The following GRM5 variants were observed in gnomAD, a reference collection of about 807,000 sequenced individuals.
GRM5 encodes metabotropic glutamate receptor 5.
In GRM5, 19 loss-of-function variants were observed where a neutral mutation model predicts 83.1. That is an observed-to-expected ratio of 0.23 (90% CI 0.16 to 0.34). The LOEUF is 0.34. GRM5 is among the 10% of genes least tolerant of loss of function. The probability of loss-of-function intolerance (pLI) is 1.00; values close to 1 mark genes in which losing one functional copy is unlikely to be tolerated. For missense variants in GRM5, 1,160 were observed against 1,588.3 expected (o/e 0.73, Z 4.58); for synonymous variants, 675 against 633.6 (o/e 1.07, Z -0.98).
intron 2 of GRM5, among the ~76,000 whole-genome samples, chr11:88,900,693 T>A (rs1486355842): frequency 2.0e-5 from 3 of 152,178 alleles, no homozygotes; most frequent in Non-Finnish European, 4.4e-5. Context: ...CATTGTGCTA[T>A]GAACAGGAGT....
At chr11:88,699,871 G>C (rs1483815184) in intron 3 of GRM5, among the ~76,000 whole-genome samples, 1 of 152,142 alleles carries the variant, frequency 6.6e-6, no homozygotes, top group Non-Finnish European at 1.5e-5. Context: ...TGTCAGAGGA[G>C]ACAAAAGGTA....
chr11:88,903,403 C>A (rs1302186133), intron 2 of GRM5, among the ~76,000 whole-genome samples: 1 of 152,100 alleles, frequency 6.6e-6, no homozygotes, highest in African/African-American at 2.4e-5. Flanking sequence ...TGGCTATCTG[C>A]CCAAGGGAAA....
intron 3 of GRM5, among the ~76,000 whole-genome samples, chr11:88,789,915 C>A (rs546340645): frequency 6.6e-6 from 1 of 151,960 alleles, no homozygotes; most frequent in African/African-American, 2.4e-5. Context: ...AGGGCAGTGG[C>A]GCAATCTTAG....
chr11:89,016,844 A>G (rs1225695536), intron 2 of GRM5, among the ~76,000 whole-genome samples: 1 of 152,194 alleles, frequency 6.6e-6, no homozygotes, highest in Non-Finnish European at 1.5e-5. Context: ...TAAAGTAAAT[A>G]CTGTTTCCAC....
intron 3 of GRM5, among the ~76,000 whole-genome samples, chr11:88,845,909 T>A (rs995574216): frequency 5.3e-5 from 8 of 152,204 alleles, no homozygotes; most frequent in African/African-American, 1.9e-4. Flanking sequence ...TAAAGAATAA[T>A]ATCTACCTCT....
At chr11:88,818,861 A>G (rs1943735932) in intron 3 of GRM5, among the ~76,000 whole-genome samples, 3 of 152,188 alleles carry the variant, frequency 2.0e-5, no homozygotes, top group Admixed American at 6.5e-5. Flanking sequence ...ATAGACTCAA[A>G]AAGTTGTTAT....
chr11:88,872,090 T>C (rs2135562651), intron 2 of GRM5, among the ~76,000 whole-genome samples: 1 of 151,584 alleles, frequency 6.6e-6, no homozygotes, highest in Admixed American at 6.6e-5. Context: ...AGAAACAAAA[T>C]GAGATGGACA....
chr11:88,822,320 T>C (rs150356454), intron 3 of GRM5, among the ~76,000 whole-genome samples: 5 of 152,304 alleles, frequency 3.3e-5, no homozygotes, highest in South Asian at 2.1e-4. Flanking sequence ...AAGAGATATA[T>C]AGATAAAAAT....
intron 3 of GRM5, among the ~76,000 whole-genome samples, chr11:88,822,131 C>T (rs897214275): frequency 6.6e-6 from 1 of 152,100 alleles, no homozygotes; most frequent in Non-Finnish European, 1.5e-5. Flanking sequence ...AAGTGCCAGA[C>T]ACTGAGAATA....
At chr11:88,724,994 G>T (rs992413025) in intron 3 of GRM5, among the ~76,000 whole-genome samples, 4 of 152,138 alleles carry the variant, frequency 2.6e-5, no homozygotes, top group Non-Finnish European at 4.4e-5. Flanking sequence ...CAGACAGTGA[G>T]CTAGCTGCAG....
intron 1 of GRM5, among the ~76,000 whole-genome samples, chr11:89,061,048 T>C (rs571644496): frequency 6.6e-6 from 1 of 152,220 alleles, no homozygotes; most frequent in East Asian, 1.9e-4. Context: ...ATATCCAACC[T>C]CTAAACCAGC....
chr11:88,596,451 G>A (rs1937808478), intron 6 of GRM5, among the ~76,000 whole-genome samples: 1 of 152,074 alleles, frequency 6.6e-6, no homozygotes, highest in South Asian at 2.1e-4. Flanking sequence ...TTAGTATGAT[G>A]TTCAAAACTC....
At chr11:88,547,189 G>T (rs1183827765) in intron 8 of GRM5, among the ~76,000 whole-genome samples, 2 of 152,016 alleles carry the variant, frequency 1.3e-5, no homozygotes, top group Non-Finnish European at 2.9e-5. Flanking sequence ...TAGAAAACTG[G>T]GAAGAAAGAA....
intron 3 of GRM5, among the ~76,000 whole-genome samples, chr11:88,790,079 G>C (rs1175243253): frequency 6.6e-6 from 1 of 152,082 alleles, no homozygotes; most frequent in South Asian, 2.1e-4. Flanking sequence ...GGCCAGGCTG[G>C]CCTTCAATTC....
chr11:88,797,747 G>A (rs2135482127), intron 3 of GRM5, among the ~76,000 whole-genome samples: 1 of 151,774 alleles, frequency 6.6e-6, no homozygotes, highest in East Asian at 1.9e-4. Flanking sequence ...TAATTAAGAT[G>A]GGTTTTTGAT....
chr11:88,886,626 C>A (rs1306125720), intron 2 of GRM5, among the ~76,000 whole-genome samples: 2 of 152,134 alleles, frequency 1.3e-5, no homozygotes, highest in East Asian at 3.9e-4. Context: ...TCCTGGTGTA[C>A]CTGAGGATTT....
chr11:88,556,170 C>T (rs554559354), intron 8 of GRM5, among the ~76,000 whole-genome samples: 2 of 152,146 alleles, frequency 1.3e-5, no homozygotes, highest in African/African-American at 4.8e-5. Flanking sequence ...CAAATATTTC[C>T]ATGTCAGTAG....
At chr11:88,739,564 C>T (rs931899941) in intron 3 of GRM5, among the ~76,000 whole-genome samples, 2 of 151,870 alleles carry the variant, frequency 1.3e-5, no homozygotes, top group Non-Finnish European at 2.9e-5. Flanking sequence ...ATTGTAATTC[C>T]CACGTGGGGA....
At chr11:88,962,873 G>A (rs1318184159) in intron 2 of GRM5, among the ~76,000 whole-genome samples, 3 of 152,142 alleles carry the variant, frequency 2.0e-5, no homozygotes, top group Non-Finnish European at 4.4e-5. Flanking sequence ...GGCAGATCAC[G>A]AGGTCAAGAG....
Sources: allele counts gnomAD v4.1 joint callset (sites outside exome capture counted in the v4.1 genomes callset), GRCh38; gene constraint gnomAD v4.1.1; transcripts MANE v1.5; gene names NCBI Gene and HGNC (gene_info 2026-07-23, HGNC 2026-07-21).